LGR6: variants seen among roughly 807,000 people sequenced by gnomAD.
LGR6 encodes the protein leucine-rich repeat-containing G protein-coupled receptor 6.
Under a neutral mutation model 69.4 loss-of-function variants are expected in LGR6, and 45 were observed. That is an observed-to-expected ratio of 0.65 (90% CI 0.51 to 0.83). The LOEUF is 0.83. Ranked by LOEUF, LGR6 falls within the 40% of genes least tolerant of loss-of-function variation. The pLI is 0.00. For missense variants in LGR6, 1,108 were observed against 1,246.7 expected (o/e 0.89, Z 1.68); for synonymous variants, 538 against 555.0 (o/e 0.97, Z 0.43).
chr1:202,303,247 C>G, intron 9 of LGR6, 32 bp from the exon 10 acceptor site: 1 of 1,533,688 alleles, frequency 6.5e-7, no homozygotes, highest in Non-Finnish European at 9.0e-7. Context: ...GCTCTGACCC[C>G]ACCCCTCAGA....
At chr1:202,224,414 C>A (rs1173052443) in intron 1 of LGR6, among the ~76,000 whole-genome samples, 6 of 152,098 alleles carry the variant, frequency 3.9e-5, no homozygotes, top group Non-Finnish European at 8.8e-5. Flanking sequence ...GGATCCTTAC[C>A]CCACCTGGGA....
chr1:202,206,398 G>A (rs1028450830), intron 1 of LGR6, among the ~76,000 whole-genome samples: 6 of 152,212 alleles, frequency 3.9e-5, no homozygotes, highest in Non-Finnish European at 7.3e-5. Flanking sequence ...CCATGGACCC[G>A]GCCCCCCAGC....
intron 16 of LGR6, among the ~76,000 whole-genome samples, chr1:202,313,877 TAAATC>T (rs1240346709): frequency 1.3e-5 from 2 of 152,234 alleles, no homozygotes; most frequent in Admixed American, 6.5e-5. Context: ...AGCTAGTAAA[TAAATC>T]TGTTAGTTGA....
chr1:202,304,133 T>C (rs962674951), intron 10 of LGR6, among the ~76,000 whole-genome samples: 1 of 152,210 alleles, frequency 6.6e-6, no homozygotes, highest in Non-Finnish European at 1.5e-5. Context: ...ACTCTGTGCC[T>C]GTGTCCCATG....
chr1:202,304,319 C>A (rs1462960077), intron 10 of LGR6, among the ~76,000 whole-genome samples: 1 of 152,086 alleles, frequency 6.6e-6, no homozygotes, highest in Non-Finnish European at 1.5e-5. Context: ...TGGGCTGTGG[C>A]CCTCTCTCTC....
chr1:202,307,310 C>T lies in LGR6; in HGVS notation c.1209-20C>T. ...TCCACATGTTACTGTCCCCTCCTGT[C>T]ACACCCTCTCTGCCTGCAGGGATCT... On this transcript the variant is annotated intron_variant, in intron 13 of 17. Transcript: ENST00000367278. The T allele has an allele frequency of 6.2e-7, 1 of 1,613,118 alleles. No individual in the cohort carries two copies. Among genetic ancestry groups the T allele is most frequent in the Non-Finnish European group, 8.5e-7 (1 of 1,179,092 alleles).
intron 1 of LGR6, among the ~76,000 whole-genome samples, chr1:202,196,387 C>A (rs1658642007): frequency 6.6e-6 from 1 of 152,142 alleles, no homozygotes; most frequent in Admixed American, 6.5e-5. Flanking sequence ...GTGGGGAAGT[C>A]TTGGGGCTCC....
At chr1:202,198,515 G>A (rs1242934405) in intron 1 of LGR6, among the ~76,000 whole-genome samples, 1 of 152,148 alleles carries the variant, frequency 6.6e-6, no homozygotes, top group Admixed American at 6.5e-5. Flanking sequence ...TCTTCCTGGA[G>A]GAGGAAGTCC....
chr1:202,233,670 A>T lies in LGR6; in HGVS notation c.357-2252A>T, dbSNP rs137975592. Reference sequence around the variant, plus strand: ...AATCAAGGTCCAGAGAGGGGAGAGGAAGTGACTTACTCAAGTCATCCAGTA... The same window carrying T: ...AATCAAGGTCCAGAGAGGGGAGAGGTAGTGACTTACTCAAGTCATCCAGTA... On this transcript the variant is annotated intron_variant, in intron 3 of 17. Transcript: ENST00000367278. 1.1e-3 allele frequency among the ~76,000 whole-genome samples: 173 copies of T among 152,288 alleles called. 1 individual carries two copies. The South Asian group carries it at 0.019, about 16-fold the overall frequency.
intron 1 of LGR6, among the ~76,000 whole-genome samples, chr1:202,224,718 A>G (rs1205907006): frequency 6.6e-6 from 1 of 152,214 alleles, no homozygotes; most frequent in Non-Finnish European, 1.5e-5. Flanking sequence ...CTGATCTGAC[A>G]GGAGGTGGAG....
chr1:202,276,455 T>C lies in LGR6; in HGVS notation c.578T>C (p.Leu193Pro). ...CTCCCTGCCCTGCAGGCCATGACCC[T>C]GGCCCTCAACCGCATCAGCCACATC... ...NNLPALQAMT[L>P]ALNRISHIPD... is the part of the protein sequence containing the mutation. Residue 193 changes from leucine (L) to proline (P), a missense_variant, in exon 5 of 18, where the codon CTG (leucine) becomes CCG (proline). By Grantham distance (98) the Leu-to-Pro change is moderately conservative (BLOSUM62 -3). Coordinates refer to ENST00000367278, the MANE Select transcript of LGR6 (RefSeq NM_001017403.2). The C allele has an allele frequency of 1.2e-6, 2 of 1,614,206 alleles. No homozygotes were observed. Among genetic ancestry groups the C allele is most frequent in the Non-Finnish European group, 1.7e-6 (2 of 1,180,032 alleles).
intron 4 of LGR6, among the ~76,000 whole-genome samples, chr1:202,273,806 C>A (rs1665315599): frequency 6.6e-6 from 1 of 152,128 alleles, no homozygotes; most frequent in Admixed American, 6.5e-5. Flanking sequence ...CTTCCCCCAT[C>A]CACACTGGAC....
intron 3 of LGR6, among the ~76,000 whole-genome samples, chr1:202,231,671 G>A (rs1538268): frequency 0.38 from 57,238 of 152,180 alleles, 12,120 homozygotes; most frequent in East Asian, 0.71. Flanking sequence ...CAGATTCTTT[G>A]TAGTTCATAC....
intron 1 of LGR6, among the ~76,000 whole-genome samples, chr1:202,207,147 C>T (rs895265072): frequency 1.3e-5 from 2 of 152,154 alleles, no homozygotes; most frequent in African/African-American, 4.8e-5. Flanking sequence ...GAACTCCTGA[C>T]CTCAGGTGAT....
rs745516913 is a variant in LGR6 at position 202,310,182 on chromosome 1, C to A, written c.1407-15C>A. 6.2e-7 allele frequency: 1 copy of A among 1,612,470 alleles called. No individual in the cohort carries two copies. The highest frequency in any genetic ancestry group is 1.1e-5 in the South Asian group (1 of 90,954). The stretch of plus-strand genomic sequence containing the variant: ...GATGCTGAGGCAGCCAATCAGCCTG[C>A]CTCTCCCCCACCAGGATCCTGGAGG... On this transcript the variant is annotated splice_polypyrimidine_tract_variant and intron_variant, in intron 15 of 17. Transcript: ENST00000367278.
Position 202,276,426 on chromosome 1 carries a change from C to T in LGR6, c.549C>T (p.Asn183=). The change falls in exon 5 of 18, where the codon AAC becomes AAT. Residue 183 remains asparagine, a synonymous_variant. Coordinates refer to ENST00000367278, the MANE Select transcript of LGR6 (RefSeq NM_001017403.2). ...CGGAGATCCCTGTCAGGGCCCTCAA[C>T]AACCTCCCTGCCCTGCAGGCCATGA... ...ALTEIPVRAL[N]NLPALQAMTL... is the part of the protein sequence containing the mutation. 6.2e-7 allele frequency: 1 copy of T among 1,614,210 alleles called. No homozygotes were observed. Among genetic ancestry groups the T allele is most frequent in the Non-Finnish European group, 8.5e-7 (1 of 1,180,026 alleles).
chr1:202,236,615 G>C (rs1400046035), intron 4 of LGR6, among the ~76,000 whole-genome samples: 2 of 152,196 alleles, frequency 1.3e-5, no homozygotes, highest in Non-Finnish European at 2.9e-5. Context: ...AGCCCAGTGG[G>C]AGCCGCTGGG....
chr1:202,271,672 G>A (rs186915126), intron 4 of LGR6, among the ~76,000 whole-genome samples: 28 of 152,226 alleles, frequency 1.8e-4, no homozygotes, highest in Non-Finnish European at 3.5e-4. Context: ...GCCGGGCTTG[G>A]TGGCAGGTGC....
chr1:202,229,866 G>A (rs772331307), intron 3 of LGR6, among the ~76,000 whole-genome samples: 21 of 152,164 alleles, frequency 1.4e-4, no homozygotes, highest in Non-Finnish European at 2.6e-4. Context: ...GGGTGGTCTT[G>A]GGGAATTATC....
Sources: gnomAD v4.1 joint callset for allele counts (sites outside exome capture counted in the v4.1 genomes callset) on GRCh38, gnomAD v4.1.1 for gene constraint, MANE v1.5 for transcripts, NCBI Gene and HGNC (gene_info 2026-07-23, HGNC 2026-07-21) for gene names.